RASGRF2: variants seen among roughly 807,000 people sequenced by gnomAD.
RASGRF2 encodes ras-specific guanine nucleotide-releasing factor 2.
In RASGRF2, 76 loss-of-function variants were observed where a neutral mutation model predicts 151.0. The observed-to-expected ratio is 0.50, with a 90% confidence interval of 0.42 to 0.61. The LOEUF is 0.61. Among genes scored for constraint, RASGRF2 ranks in the 20% least tolerant of loss-of-function variants. The pLI, the probability that RASGRF2 is intolerant of heterozygous loss-of-function variation, is 0.00. For missense variants in RASGRF2, 1,148 were observed against 1,564.6 expected, an observed-to-expected ratio of 0.73 and a Z score of 4.49; for synonymous variants, 504 against 566.5, an observed-to-expected ratio of 0.89 and a Z score of 1.57.
chr5:81,116,713 C>G (rs990164802), intron 15 of RASGRF2, among the ~76,000 whole-genome samples: 1 of 152,162 alleles, frequency 6.6e-6, no homozygotes, highest in Non-Finnish European at 1.5e-5. Context: ...CCCTGGCAAC[C>G]AGCTTTCTAC....
rs1403034048 is a variant in RASGRF2, at chr5:80,960,728, G to T, written c.-11G>T. ...ACCGGCGGCCACCCGTGAGCCCTCC[G>T]CACCCGCACCATGCAGAAGAGCGTG... On this transcript the variant is annotated 5_prime_UTR_variant, in exon 1 of 27. Transcript: ENST00000265080. The surrounding 1 kb of genome is among the most constrained non-coding windows in gnomAD (Gnocchi z 5.5). The T allele has an allele frequency of 5.2e-6, 8 of 1,537,122 alleles. No homozygotes were observed. Among genetic ancestry groups the T allele is most frequent in the African/African-American group, 1.4e-5 (1 of 73,150 alleles).
intron 17 of RASGRF2, among the ~76,000 whole-genome samples, chr5:81,178,864 G>A (rs1287467211): frequency 1.3e-5 from 2 of 152,020 alleles, no homozygotes; most frequent in African/African-American, 2.4e-5. Context: ...TCAGCCTCCC[G>A]AGAGGCTGGG....
chr5:80,999,893 G>T (rs943643658), intron 1 of RASGRF2, among the ~76,000 whole-genome samples: 1 of 152,156 alleles, frequency 6.6e-6, no homozygotes, highest in Non-Finnish European at 1.5e-5. Context: ...CCTCCCCCAC[G>T]GCATTTTAGC....
At chr5:81,114,033 T>C (rs1437082588) in intron 15 of RASGRF2, 113 bp downstream of exon 15, 2 of 1,317,156 alleles carry the variant, frequency 1.5e-6, no homozygotes, top group African/African-American at 1.5e-5. Flanking sequence ...TACTTCTGCA[T>C]AGAAAGTAGA....
intron 17 of RASGRF2, among the ~76,000 whole-genome samples, chr5:81,168,679 G>A (rs1754572950): frequency 6.6e-6 from 1 of 152,106 alleles, no homozygotes; most frequent in African/African-American, 2.4e-5. Context: ...AAAGCACAAT[G>A]TGTTGAAAAT....
chr5:81,081,871 T>G (rs778688567), intron 7 of RASGRF2, among the ~76,000 whole-genome samples: 1 of 152,216 alleles, frequency 6.6e-6, no homozygotes, highest in Non-Finnish European at 1.5e-5. Context: ...GTGTTTTTGT[T>G]TTTGTTTTCC....
chr5:80,992,524 T>C (rs1404392635), intron 1 of RASGRF2, among the ~76,000 whole-genome samples: 1 of 152,230 alleles, frequency 6.6e-6, no homozygotes. Flanking sequence ...AGGTTCTTAC[T>C]TGTGAAAGAG....
intron 2 of RASGRF2, among the ~76,000 whole-genome samples, chr5:81,059,579 G>A (rs1161013007): frequency 6.6e-6 from 1 of 151,854 alleles, no homozygotes; most frequent in Non-Finnish European, 1.5e-5. Flanking sequence ...GGGCGCGGTG[G>A]CTCACACCTG....
At chr5:81,195,160 C>T (rs1755235750) in intron 18 of RASGRF2, among the ~76,000 whole-genome samples, 1 of 152,238 alleles carries the variant, frequency 6.6e-6, no homozygotes, top group Non-Finnish European at 1.5e-5. Context: ...GGGCAGGCGA[C>T]ATCCCTCCTC....
intron 1 of RASGRF2, among the ~76,000 whole-genome samples, chr5:81,035,919 A>G (rs1750474927): frequency 6.6e-6 from 1 of 152,214 alleles, no homozygotes; most frequent in Non-Finnish European, 1.5e-5. Flanking sequence ...GAACCGCAGA[A>G]CAAATATCCA....
chr5:81,128,246 G>A (rs974455790), intron 17 of RASGRF2, among the ~76,000 whole-genome samples: 4 of 152,064 alleles, frequency 2.6e-5, no homozygotes, highest in South Asian at 2.1e-4. Flanking sequence ...AAAATGTACC[G>A]CATACTTGAA....
At chr5:81,063,178 T>C (rs1007430927) in intron 2 of RASGRF2, among the ~76,000 whole-genome samples, 3 of 152,210 alleles carry the variant, frequency 2.0e-5, no homozygotes, top group African/African-American at 7.2e-5. Flanking sequence ...TGTTTTCATT[T>C]ATCTTGTCTG....
chr5:81,160,718 T>TAATAATAATA (rs1264940366), intron 17 of RASGRF2, among the ~76,000 whole-genome samples: 1 of 146,572 alleles, frequency 6.8e-6, no homozygotes, highest in South Asian at 2.2e-4. Context: ...ATAATAATAA[T>TAATAATAATA]AAGTCAACCA....
chr5:81,055,274 A>G (rs1011954777), intron 2 of RASGRF2, among the ~76,000 whole-genome samples: 12 of 152,134 alleles, frequency 7.9e-5, no homozygotes, highest in Non-Finnish European at 1.8e-4. Context: ...TGTCATAGAT[A>G]GCTCTTATTA....
chr5:81,220,611 A>T (rs1561266514), intron 26 of RASGRF2, among the ~76,000 whole-genome samples: 1 of 152,152 alleles, frequency 6.6e-6, no homozygotes, highest in Non-Finnish European at 1.5e-5. Flanking sequence ...CAGCCTCCTG[A>T]GTAGCCCGCC....
At chr5:81,151,498 C>T (rs1169591126) in intron 17 of RASGRF2, among the ~76,000 whole-genome samples, 3 of 151,528 alleles carry the variant, frequency 2.0e-5, no homozygotes, top group Non-Finnish European at 4.4e-5. Context: ...CCCATTGACA[C>T]TCTTCTACTG....
rs1756025150 is a variant in RASGRF2 at position 81,227,567 on chromosome 5, C to T, written c.*1797C>T. ...ATGAGAAGCATGGGCTGTTTGGATCCTAACAACGCATAACTTGTGATTTAT... is the reference window on the plus strand; with the variant it reads ...ATGAGAAGCATGGGCTGTTTGGATCTTAACAACGCATAACTTGTGATTTAT... On this transcript the variant is annotated 3_prime_UTR_variant, in exon 27 of 27. Coordinates refer to ENST00000265080, the MANE Select transcript of RASGRF2 (RefSeq NM_006909.3). The T allele has an allele frequency of 6.6e-6, 1 of 152,106 alleles. No homozygotes were observed. The highest frequency in any genetic ancestry group is 1.5e-5 in the Non-Finnish European group (1 of 68,022). The allele number at this position is 152,106 out of a possible 1,614,324, so 9.4% of individuals were successfully genotyped here.
intron 1 of RASGRF2, among the ~76,000 whole-genome samples, chr5:81,026,449 T>G (rs1750036105): frequency 6.6e-6 from 1 of 152,090 alleles, no homozygotes; most frequent in South Asian, 2.1e-4. Flanking sequence ...CTGTCTGGGA[T>G]TTACATATGT....
intron 1 of RASGRF2, among the ~76,000 whole-genome samples, chr5:80,989,019 C>A (rs994406310): frequency 6.6e-6 from 1 of 151,920 alleles, no homozygotes; most frequent in Non-Finnish European, 1.5e-5. Flanking sequence ...GCTCTGTCGC[C>A]CAGGTTGGTG....
Sources: gnomAD v4.1 joint callset for allele counts (sites outside exome capture counted in the v4.1 genomes callset) on GRCh38, gnomAD v4.1.1 for gene constraint, Gnocchi (gnomAD v3.1) non-coding constraint, MANE v1.5 for transcripts, NCBI Gene and HGNC (gene_info 2026-07-23, HGNC 2026-07-21) for gene names.